The following CTNNA3 variants were observed in gnomAD, a reference collection of about 807,000 sequenced individuals.
CTNNA3 encodes catenin alpha-3.
CTNNA3 carries 76 observed loss-of-function variants against 95.7 expected under a neutral mutation model. The observed-to-expected ratio is 0.79, with a 90% CI of 0.66 to 0.96. CTNNA3 has a LOEUF of 0.96. Ranked by LOEUF, CTNNA3 falls within the 40% of genes least tolerant of loss-of-function variation. CTNNA3 has a pLI of 0.00. For synonymous variants in CTNNA3, 431 were observed against 374.4 expected, an observed-to-expected ratio of 1.15 and a Z score of -1.74; for missense variants, 1,191 against 1,089.8, an observed-to-expected ratio of 1.09 and a Z score of -1.31.
chr10:66,826,107 A>T (rs1842500007), intron 7 of CTNNA3, among the ~76,000 whole-genome samples: 1 of 152,142 alleles, frequency 6.6e-6, no homozygotes, highest in African/African-American at 2.4e-5. Context: ...GCACTAGGAA[A>T]ATTTAGGGGT....
intron 7 of CTNNA3, among the ~76,000 whole-genome samples, chr10:66,842,745 A>C (rs113493612): frequency 0.037 from 5,643 of 152,236 alleles, 355 homozygotes; most frequent in African/African-American, 0.13. Flanking sequence ...GGCATCAGAA[A>C]TTTGGGAAAT....
intron 5 of CTNNA3, 51 bp from the exon 6 acceptor site, chr10:67,219,921 AG>A (rs1564985333): frequency 7.1e-7 from 1 of 1,416,132 alleles, no homozygotes; most frequent in Non-Finnish European, 9.5e-7. Context: ...TATGGGAGAA[AG>A]ACTTAAATTA....
chr10:66,004,306 C>A (rs1012765020), intron 15 of CTNNA3, among the ~76,000 whole-genome samples: 4 of 152,214 alleles, frequency 2.6e-5, no homozygotes, highest in Admixed American at 2.6e-4. Context: ...TCTACCTGAA[C>A]CAATCCCAAG....
chr10:66,359,336 G>C (rs2092636078), intron 12 of CTNNA3, among the ~76,000 whole-genome samples: 1 of 152,050 alleles, frequency 6.6e-6, no homozygotes, highest in African/African-American at 2.4e-5. Flanking sequence ...AGGAGATGGG[G>C]GTGAGTGGAT....
rs1554837113 is a variant in CTNNA3, at chr10:66,695,916, A to AGC, written c.1281+70347_1281+70348insGC. On this transcript the variant is annotated intron_variant, in intron 9 of 17. Transcript: ENST00000433211. ...CTAAAAATTGGGTGAAAGAGACGTA[A>AGC]GGGGGGGGGGCAATAAAAATGTATT... 5.2e-4 allele frequency among the ~76,000 whole-genome samples: 62 copies of AGC among 119,368 alleles called. No individual in the cohort carries two copies. In the East Asian group the frequency reaches 7.3e-3, roughly 14 times the overall value. 78.3% of individuals were successfully genotyped at this position (119,368 alleles called of 152,430 possible). A position where few individuals can be genotyped will look rare whatever the true frequency, so the allele number is the denominator to read the frequency against.
chr10:66,825,040 T>A (rs1187928547), intron 7 of CTNNA3, among the ~76,000 whole-genome samples: 1 of 150,526 alleles, frequency 6.6e-6, no homozygotes, highest in Non-Finnish European at 1.5e-5. Context: ...AATCTAAATT[T>A]TCAAAAAAAA....
At chr10:66,516,063 G>GA (rs147730943) in intron 11 of CTNNA3, among the ~76,000 whole-genome samples, 34,742 of 123,784 alleles carry the variant, frequency 0.28, 5,436 homozygotes, top group Admixed American at 0.38. Context: ...TTAATTATCT[G>GA]GAAAAAAAAA....
intron 11 of CTNNA3, among the ~76,000 whole-genome samples, chr10:66,508,743 T>C (rs1016005756): frequency 5.3e-5 from 8 of 152,178 alleles, no homozygotes; most frequent in African/African-American, 1.9e-4. Flanking sequence ...TGACTAGTAT[T>C]CCATGTGTAT....
At chr10:67,623,815 T>TTAC (rs1433013972) in intron 2 of CTNNA3, among the ~76,000 whole-genome samples, 1 of 151,820 alleles carries the variant, frequency 6.6e-6, no homozygotes, top group Non-Finnish European at 1.5e-5. Context: ...CCTGGTATGT[T>TTAC]TATTATTATT....
At chr10:66,698,324 A>G (rs576520206) in intron 9 of CTNNA3, among the ~76,000 whole-genome samples, 6 of 152,326 alleles carry the variant, frequency 3.9e-5, no homozygotes, top group Non-Finnish European at 4.4e-5. Flanking sequence ...TCCTCTTCAC[A>G]TGGACATTCC....
At chr10:66,040,171 C>T (rs561875224) in intron 15 of CTNNA3, among the ~76,000 whole-genome samples, 34 of 152,068 alleles carry the variant, frequency 2.2e-4, no homozygotes, top group African/African-American at 6.0e-4. Context: ...AAAACCCCAA[C>T]GAGATACTGT....
At chr10:67,306,349 A>G (rs982153541) in intron 5 of CTNNA3, among the ~76,000 whole-genome samples, 1 of 152,234 alleles carries the variant, frequency 6.6e-6, no homozygotes, top group African/African-American at 2.4e-5. Flanking sequence ...TGTCTTTTAA[A>G]TAATATGTTG....
chr10:66,824,665 A>G (rs1842430602), intron 7 of CTNNA3, among the ~76,000 whole-genome samples: 1 of 152,212 alleles, frequency 6.6e-6, no homozygotes, highest in Non-Finnish European at 1.5e-5. Context: ...CTTCAAAAGC[A>G]GACAGTATGT....
intron 7 of CTNNA3, among the ~76,000 whole-genome samples, chr10:66,853,896 G>A (rs751477513): frequency 6.6e-6 from 1 of 151,684 alleles, no homozygotes; most frequent in Non-Finnish European, 1.5e-5. Flanking sequence ...TTGTAGATCT[G>A]CTAAGTGCAT....
intron 7 of CTNNA3, among the ~76,000 whole-genome samples, chr10:66,915,192 G>GAGA (rs1846425960): frequency 1.1e-5 from 1 of 90,246 alleles, no homozygotes; most frequent in Non-Finnish European, 2.5e-5. Flanking sequence ...AAAAACTAAC[G>GAGA]AAAAAAAAAA....
chr10:67,339,598 C>T (rs151232140), intron 5 of CTNNA3, among the ~76,000 whole-genome samples: 5 of 150,626 alleles, frequency 3.3e-5, no homozygotes, highest in African/African-American at 4.9e-5. Context: ...CTTTTTACTA[C>T]GGAGAACTAG....
intron 4 of CTNNA3, among the ~76,000 whole-genome samples, chr10:67,529,853 T>A (rs1840272136): frequency 6.6e-6 from 1 of 152,072 alleles, no homozygotes; most frequent in African/African-American, 2.4e-5. Flanking sequence ...GAATTGTAAC[T>A]CCCACAATTC....
At chr10:67,053,926 G>A (rs1256615647) in intron 7 of CTNNA3, among the ~76,000 whole-genome samples, 2 of 152,118 alleles carry the variant, frequency 1.3e-5, no homozygotes, top group Non-Finnish European at 2.9e-5. Context: ...AATGGTCAAT[G>A]AGACTCTGGC....
intron 3 of CTNNA3, among the ~76,000 whole-genome samples, chr10:67,545,164 T>C (rs555499654): frequency 1.7e-4 from 26 of 152,322 alleles, no homozygotes; most frequent in Non-Finnish European, 3.5e-4. Context: ...TTGGTAAAAT[T>C]ATATAAAATG....
Sources: allele counts gnomAD v4.1 joint callset (sites outside exome capture counted in the v4.1 genomes callset), GRCh38; gene constraint gnomAD v4.1.1; transcripts MANE v1.5; gene names NCBI Gene and HGNC (gene_info 2026-07-23, HGNC 2026-07-21).